Variants in GLIS3 observed in about 807,000 individuals in gnomAD.
GLIS3 encodes zinc finger protein GLIS3.
A neutral mutation model predicts 78.6 loss-of-function variants in GLIS3; 53 were observed. That is an observed-to-expected ratio of 0.67 (90% CI 0.54 to 0.85). The LOEUF is 0.85. Ranked by LOEUF, GLIS3 falls within the 40% of genes least tolerant of loss-of-function variation. The pLI, the probability that GLIS3 is intolerant of heterozygous loss-of-function variation, is 0.00. For missense variants in GLIS3, 1,703 were observed against 1,231.1 expected (o/e 1.38, Z -5.74); for synonymous variants, 684 against 509.9 (o/e 1.34, Z -4.60).
At chr9:4,159,816 C>G (rs1021112623) in intron 2 of GLIS3, among the ~76,000 whole-genome samples, 1 of 152,122 alleles carries the variant, frequency 6.6e-6, no homozygotes, top group Admixed American at 6.5e-5. Context: ...TTGTGACCAA[C>G]AATGAAATAC....
At chr9:4,252,152 G>A (rs531358854) in intron 2 of GLIS3, among the ~76,000 whole-genome samples, 5 of 152,280 alleles carry the variant, frequency 3.3e-5, no homozygotes, top group South Asian at 2.1e-4. Context: ...ATGTTGGCCT[G>A]TCTTGCTAGG....
chr9:4,059,059 C>A (rs186918431), intron 4 of GLIS3, among the ~76,000 whole-genome samples: 1 of 152,100 alleles, frequency 6.6e-6, no homozygotes, highest in East Asian at 1.9e-4. Context: ...CGAAGGGGAC[C>A]CTGAGTCATC....
At chr9:4,371,670 C>T in the GLIS3 span, among the ~76,000 whole-genome samples, 1 of 152,140 alleles carries the variant, frequency 6.6e-6, no homozygotes, top group African/African-American at 2.4e-5. Context: ...CCCCCTGCCT[C>T]ATCTCTCTCA....
intron 4 of GLIS3, among the ~76,000 whole-genome samples, chr9:4,081,025 C>T (rs574065810): frequency 2.5e-4 from 38 of 152,320 alleles, no homozygotes; most frequent in Non-Finnish European, 4.7e-4. Flanking sequence ...TTTTTCCAGT[C>T]TTGCCTGGCT....
chr9:3,993,438 G>A (rs886672047), intron 4 of GLIS3, among the ~76,000 whole-genome samples: 3 of 152,222 alleles, frequency 2.0e-5, no homozygotes, highest in Admixed American at 1.3e-4. Context: ...AGTCAAATAT[G>A]ATAAACTTTT....
chr9:4,008,932 C>T (rs192857426), intron 4 of GLIS3, among the ~76,000 whole-genome samples: 1 of 152,154 alleles, frequency 6.6e-6, no homozygotes, highest in Non-Finnish European at 1.5e-5. Context: ...CCCTAACTCA[C>T]AGCCTAGGGC....
chr9:4,306,826 C>G (rs1011410850), intron 4 of GLIS3, among the ~76,000 whole-genome samples: 1 of 152,208 alleles, frequency 6.6e-6, no homozygotes, highest in Non-Finnish European at 1.5e-5. Context: ...AAAACTCTAG[C>G]TATAGATACC....
chr9:3,917,588 T>C (rs557385681), intron 6 of GLIS3, among the ~76,000 whole-genome samples: 2 of 151,482 alleles, frequency 1.3e-5, no homozygotes, highest in South Asian at 2.1e-4. Context: ...TCTAAAACAC[T>C]ACTCCATCCA....
chr9:4,172,842 A>C (rs1287180086), intron 2 of GLIS3, among the ~76,000 whole-genome samples: 1 of 152,134 alleles, frequency 6.6e-6, no homozygotes, highest in East Asian at 1.9e-4. Flanking sequence ...CATACTCACA[A>C]ATGCTCTCCA....
chr9:4,118,119 C>A lies in GLIS3; in HGVS notation c.1359G>T (p.Pro453=), dbSNP rs1183252681. 1 of 1,514,872 alleles carries A rather than the reference C, an allele frequency of 6.6e-7. No homozygotes were observed. The highest frequency in any genetic ancestry group is 8.9e-7 in the Non-Finnish European group (1 of 1,122,390). The allele number at this position is 1,514,872 out of a possible 1,614,324, so 93.8% of individuals were successfully genotyped here. A position where few individuals can be genotyped will look rare whatever the true frequency, so the allele number is the denominator to read the frequency against. ...LPPAPPLPPL[P]PPPGPPPPYH... is the part of the protein sequence containing the mutation. ...AAGGGGGTGGGGGGCCTGGGGGCGGCGGCAGAGGAGGGAGCGGAGGCGCGG... is the reference window on the plus strand; with the variant it reads ...AAGGGGGTGGGGGGCCTGGGGGCGGAGGCAGAGGAGGGAGCGGAGGCGCGG... The change falls in exon 4 of 11, where the codon CCG becomes CCT. Residue 453 remains proline (P), a synonymous_variant. Coordinates refer to ENST00000381971, the MANE Select transcript of GLIS3 (RefSeq NM_001042413.2). This position sits in a 1 kb window ranked among gnomAD's most constrained non-coding sequence, Gnocchi z 4.7.
the GLIS3 span, among the ~76,000 whole-genome samples, chr9:4,371,049 CT>C: frequency 6.6e-6 from 1 of 152,122 alleles, no homozygotes; most frequent in Non-Finnish European, 1.5e-5. Context: ...CTTTCCTTGG[CT>C]TTTTCATTTT....
At chr9:3,975,830 T>C (rs1818741160) in intron 4 of GLIS3, among the ~76,000 whole-genome samples, 1 of 152,114 alleles carries the variant, frequency 6.6e-6, no homozygotes, top group Non-Finnish European at 1.5e-5. Flanking sequence ...CTCTCTCTGC[T>C]TCCACAGCCC....
At chr9:4,278,394 G>A (rs1416073380) in intron 2 of GLIS3, among the ~76,000 whole-genome samples, 1 of 152,142 alleles carries the variant, frequency 6.6e-6, no homozygotes, top group Non-Finnish European at 1.5e-5. Flanking sequence ...AGAACATCTT[G>A]TTATGCCTGT....
rs540232286 is a variant in GLIS3, at chr9:4,266,970, C to G, written c.388+19068G>C. Reference sequence around the variant, plus strand: ...ATAAGTGCTACATGCTGTGATATAACCCGTTTATGGAAATACTTCATAGAC... The same window carrying G: ...ATAAGTGCTACATGCTGTGATATAAGCCGTTTATGGAAATACTTCATAGAC... On this transcript the variant is annotated intron_variant, in intron 2 of 10. Transcript: ENST00000381971. Among the ~76,000 whole-genome samples, 4 of 152,222 alleles carry G rather than the reference C, an allele frequency of 2.6e-5. No homozygotes were observed. The South Asian group carries it at 6.2e-4, about 24-fold the overall frequency.
rs148798161 is a variant in GLIS3 at position 4,213,595 on chromosome 9, C to T, written c.388+72443G>A. Among the ~76,000 whole-genome samples the T allele has an allele frequency of 4.5e-3, 691 of 152,234 alleles. 12 individuals carry two copies. The highest frequency in any genetic ancestry group is 0.016 in the African/African-American group (669 of 41,540). ...ATTTAATTTTAGCTAATTTACGTAG[C>T]CACATGTGGCTAGAGACTACCATAT... On this transcript the variant is annotated intron_variant, in intron 2 of 10. Coordinates refer to ENST00000381971, the MANE Select transcript of GLIS3 (RefSeq NM_001042413.2).
chr9:3,956,948 A>AT (rs1379412192), intron 4 of GLIS3, among the ~76,000 whole-genome samples: 1 of 152,174 alleles, frequency 6.6e-6, no homozygotes, highest in African/African-American at 2.4e-5. Flanking sequence ...TTGAGCCCCC[A>AT]TATCTTCCCT....
chr9:3,900,971 ATT>A (rs1457688570), intron 6 of GLIS3: 2 of 152,208 alleles, frequency 1.3e-5, no homozygotes, highest in Non-Finnish European at 2.9e-5. Flanking sequence ...GCCTTAACTG[ATT>A]AACCGAACTT....
At chr9:3,963,852 G>A (rs564169590) in intron 4 of GLIS3, among the ~76,000 whole-genome samples, 1 of 151,928 alleles carries the variant, frequency 6.6e-6, no homozygotes, top group African/African-American at 2.4e-5. Context: ...GCTGGCAAGG[G>A]CCTTCCACAT....
At chr9:4,044,479 C>T (rs1164906358) in intron 4 of GLIS3, among the ~76,000 whole-genome samples, 1 of 152,186 alleles carries the variant, frequency 6.6e-6, no homozygotes, top group African/African-American at 2.4e-5. Flanking sequence ...GTTCCTGCTA[C>T]TCCACGCCTG....
Sources: allele counts gnomAD v4.1 joint callset (sites outside exome capture counted in the v4.1 genomes callset), GRCh38; gene constraint gnomAD v4.1.1; non-coding constraint Gnocchi (gnomAD v3.1); transcripts MANE v1.5; gene names NCBI Gene and HGNC (gene_info 2026-07-23, HGNC 2026-07-21).